SEMA5A: variants seen among roughly 807,000 people sequenced by gnomAD.
SEMA5A encodes semaphorin 5A, also known as semaphorin-5A.
In SEMA5A, 55 loss-of-function variants were observed where a neutral mutation model predicts 135.5. The observed-to-expected ratio is 0.41, with a 90% CI of 0.33 to 0.51. The LOEUF (loss-of-function observed/expected upper bound fraction) is 0.51, where lower values mean the gene tolerates loss of function less well. SEMA5A is among the 20% of genes least tolerant of loss of function. The probability of loss-of-function intolerance (pLI) is 0.37; values close to 1 mark genes in which losing one functional copy is unlikely to be tolerated. For synonymous variants in SEMA5A, 580 were observed against 546.5 expected (o/e 1.06, Z -0.85); for missense variants, 1,290 against 1,419.9 (o/e 0.91, Z 1.47).
chr5:9,209,156 C>T (rs1008217826), intron 8 of SEMA5A, among the ~76,000 whole-genome samples: 1 of 152,204 alleles, frequency 6.6e-6, no homozygotes, highest in Non-Finnish European at 1.5e-5. Context: ...AAAACTCACA[C>T]CTACAATTCT....
intron 15 of SEMA5A, among the ~76,000 whole-genome samples, chr5:9,116,726 T>C (rs1740535053): frequency 6.6e-6 from 1 of 152,238 alleles, no homozygotes; most frequent in African/African-American, 2.4e-5. Flanking sequence ...TCAATTATTT[T>C]GTATGCCTAG....
rs879081762 is a variant in SEMA5A, at chr5:9,175,628, C to T, written c.1273+14639G>A. ...TTTTCTTTTTCATTATACACATTTGCTCATGGAGCACTTGCAAAAATGGAA... is the reference window on the plus strand; with the variant it reads ...TTTTCTTTTTCATTATACACATTTGTTCATGGAGCACTTGCAAAAATGGAA... On this transcript the variant is annotated intron_variant, in intron 11 of 22. Coordinates refer to ENST00000382496, the MANE Select transcript of SEMA5A (RefSeq NM_003966.3). 2.0e-5 allele frequency among the ~76,000 whole-genome samples: 3 copies of T among 152,080 alleles called. No individual in the cohort carries two copies. The South Asian group carries it at 6.2e-4, about 32-fold the overall frequency.
intron 16 of SEMA5A, among the ~76,000 whole-genome samples, chr5:9,072,134 CA>C (rs1423774597): frequency 6.6e-6 from 1 of 152,108 alleles, no homozygotes; most frequent in Non-Finnish European, 1.5e-5. Flanking sequence ...ATCCAAATAA[CA>C]AAAAGTTATA....
chr5:9,258,271 C>G (rs1481652889), intron 5 of SEMA5A, among the ~76,000 whole-genome samples: 1 of 152,180 alleles, frequency 6.6e-6, no homozygotes, highest in African/African-American at 2.4e-5. Flanking sequence ...AATTAAGAGG[C>G]TCAGGGAACC....
intron 5 of SEMA5A, among the ~76,000 whole-genome samples, chr5:9,271,472 C>T (rs984986187): frequency 6.6e-6 from 1 of 152,054 alleles, no homozygotes; most frequent in Non-Finnish European, 1.5e-5. Flanking sequence ...GGGGCTAGAA[C>T]AGTTTGGAGG....
intron 5 of SEMA5A, among the ~76,000 whole-genome samples, chr5:9,314,373 G>GGA (rs2150656583): frequency 8.3e-6 from 1 of 120,530 alleles, no homozygotes; most frequent in African/African-American, 2.7e-5. Context: ...CTGAGTTCCA[G>GGA]AAAAAAAAAA....
intron 1 of SEMA5A, among the ~76,000 whole-genome samples, chr5:9,468,598 C>CTACCTGTAAATTTCATGCATGTAAA (rs71287841): frequency 2.6e-5 from 4 of 151,874 alleles, no homozygotes; most frequent in Admixed American, 1.3e-4. Context: ...GGGGTGTGTC[C>CTACCTGTAAATTTCATGCATGTAAA]TACATTTAAA....
intron 2 of SEMA5A, among the ~76,000 whole-genome samples, chr5:9,423,167 G>T (rs1197667180): frequency 1.3e-5 from 2 of 152,140 alleles, no homozygotes. Context: ...GACGCAGAAG[G>T]CTGACTTCCG....
intron 2 of SEMA5A, among the ~76,000 whole-genome samples, chr5:9,394,192 C>T (rs1376931639): frequency 2.0e-5 from 3 of 152,030 alleles, no homozygotes; most frequent in Non-Finnish European, 4.4e-5. Flanking sequence ...ATGAGGTCAC[C>T]CACAGTCCTT....
At chr5:9,439,926 G>T (rs1025994249) in intron 1 of SEMA5A, among the ~76,000 whole-genome samples, 17 of 152,242 alleles carry the variant, frequency 1.1e-4, no homozygotes, top group African/African-American at 4.1e-4. Context: ...ATTCAAGGGT[G>T]TCCACCCGAA....
At chr5:9,445,371 TAA>T (rs879618323) in intron 1 of SEMA5A, among the ~76,000 whole-genome samples, 17 of 143,948 alleles carry the variant, frequency 1.2e-4, no homozygotes, top group Non-Finnish European at 1.4e-4. Context: ...CTCGTGCCAT[TAA>T]AAAAAAAAAA....
intron 3 of SEMA5A, among the ~76,000 whole-genome samples, chr5:9,339,028 TTGTAA>T (rs1579371834): frequency 6.6e-6 from 1 of 152,166 alleles, no homozygotes; most frequent in African/African-American, 2.4e-5. Flanking sequence ...AGAGAGGGAC[TTGTAA>T]TGTATATGAT....
At chr5:9,442,448 C>T (rs1230421360) in intron 1 of SEMA5A, among the ~76,000 whole-genome samples, 1 of 152,126 alleles carries the variant, frequency 6.6e-6, no homozygotes, top group Non-Finnish European at 1.5e-5. Context: ...AGCTATGCAC[C>T]TTTTCCACAG....
At chr5:9,110,905 G>C (rs909375694) in intron 15 of SEMA5A, among the ~76,000 whole-genome samples, 11 of 152,112 alleles carry the variant, frequency 7.2e-5, no homozygotes, top group African/African-American at 2.7e-4. Flanking sequence ...GAAGGGAAAG[G>C]ACCTTCTAAT....
intron 13 of SEMA5A, 89 bp from the exon 14 acceptor site, chr5:9,122,926 C>A: frequency 8.5e-7 from 1 of 1,179,900 alleles, no homozygotes; most frequent in Non-Finnish European, 1.2e-6. Flanking sequence ...ATAAGACAAT[C>A]AAAACTCCTC....
intron 1 of SEMA5A, among the ~76,000 whole-genome samples, chr5:9,494,508 C>A (rs1735201487): frequency 6.6e-6 from 1 of 152,120 alleles, no homozygotes; most frequent in South Asian, 2.1e-4. Flanking sequence ...ATCAGGAGGG[C>A]AGATGCTTCC....
chr5:9,357,254 C>G (rs569757671), intron 3 of SEMA5A, among the ~76,000 whole-genome samples: 1 of 152,146 alleles, frequency 6.6e-6, no homozygotes, highest in South Asian at 2.1e-4. Context: ...TTTAGAACTC[C>G]TTAAAAAAAG....
intron 16 of SEMA5A, among the ~76,000 whole-genome samples, chr5:9,102,344 T>TA (rs996566674): frequency 3.3e-5 from 5 of 152,202 alleles, no homozygotes; most frequent in African/African-American, 1.2e-4. Flanking sequence ...GAACTAGAGA[T>TA]ACTTTTTTGA....
At chr5:9,388,315 C>T (rs1209815318) in intron 2 of SEMA5A, among the ~76,000 whole-genome samples, 1 of 151,980 alleles carries the variant, frequency 6.6e-6, no homozygotes, top group Non-Finnish European at 1.5e-5. Context: ...TCCAGATCGC[C>T]TGGAGGAACG....
Sources: allele counts gnomAD v4.1 joint callset (sites outside exome capture counted in the v4.1 genomes callset), GRCh38; gene constraint gnomAD v4.1.1; transcripts MANE v1.5; gene names NCBI Gene and HGNC (gene_info 2026-07-23, HGNC 2026-07-21).